The following ZNF827 variants were observed in gnomAD, a reference collection of about 807,000 sequenced individuals.
The protein encoded by ZNF827 is zinc finger protein 827.
ZNF827 carries 13 observed loss-of-function variants against 102.4 expected under a neutral mutation model. The observed-to-expected ratio is 0.13, with a 90% CI of 0.08 to 0.20. The LOEUF is 0.20. Ranked by LOEUF, ZNF827 falls within the 10% of genes least tolerant of loss-of-function variation. The pLI is 1.00. For synonymous variants in ZNF827, 523 were observed against 536.2 expected (o/e 0.98, Z 0.34); for missense variants, 1,103 against 1,344.4 (o/e 0.82, Z 2.81).
chr4:145,837,508 G>A (rs970911634), intron 7 of ZNF827, among the ~76,000 whole-genome samples: 8 of 151,996 alleles, frequency 5.3e-5, no homozygotes, highest in African/African-American at 1.7e-4. Flanking sequence ...ACTATTTTCT[G>A]TCTAGTCATA....
chr4:145,811,952 T>C (rs1742056033), intron 8 of ZNF827, among the ~76,000 whole-genome samples: 1 of 152,156 alleles, frequency 6.6e-6, no homozygotes, highest in East Asian at 1.9e-4. Flanking sequence ...TCTCACTCTG[T>C]CACCCAGGCT....
At chr4:145,870,670 G>A in intron 4 of ZNF827, 192 bp from the exon 5 acceptor site, 1 of 529,846 alleles carries the variant, frequency 1.9e-6, no homozygotes, top group Non-Finnish European at 3.3e-6. Context: ...ACTCTGAGGA[G>A]TGTGGGCTTC....
At chr4:145,877,484 T>A (rs988264376) in intron 4 of ZNF827, among the ~76,000 whole-genome samples, 5 of 152,240 alleles carry the variant, frequency 3.3e-5, no homozygotes, top group Non-Finnish European at 7.3e-5. Context: ...ATTTGCTAAA[T>A]ATTTTAAAAT....
chr4:145,804,537 A>G (rs371860804), intron 8 of ZNF827, among the ~76,000 whole-genome samples: 7 of 152,338 alleles, frequency 4.6e-5, no homozygotes, highest in African/African-American at 7.2e-5. Context: ...AAGAATCTAC[A>G]TTTCCTCAGA....
At chr4:145,795,854 A>G (rs1450577046) in intron 8 of ZNF827, among the ~76,000 whole-genome samples, 1 of 152,240 alleles carries the variant, frequency 6.6e-6, no homozygotes, top group Non-Finnish European at 1.5e-5. Context: ...CTCCTCAGCT[A>G]AGGCTTCTAA....
intron 5 of ZNF827, among the ~76,000 whole-genome samples, chr4:145,868,924 G>T (rs1241451652): frequency 6.6e-6 from 1 of 152,162 alleles, no homozygotes; most frequent in Non-Finnish European, 1.5e-5. Context: ...ACAACAAATA[G>T]ATTACTCTGC....
At chr4:145,867,171 T>C (rs1748286009) in intron 5 of ZNF827, among the ~76,000 whole-genome samples, 1 of 152,226 alleles carries the variant, frequency 6.6e-6, no homozygotes, top group South Asian at 2.1e-4. Context: ...GTGTGTTGCT[T>C]TCTTTATGGC....
At chr4:145,852,706 C>G (rs766010925) in intron 5 of ZNF827, among the ~76,000 whole-genome samples, 1 of 152,156 alleles carries the variant, frequency 6.6e-6, no homozygotes, top group Admixed American at 6.5e-5. Flanking sequence ...TAGCAACATC[C>G]TTGGTCTCTC....
chr4:145,810,116 T>G (rs567444811), intron 8 of ZNF827, among the ~76,000 whole-genome samples: 1 of 152,310 alleles, frequency 6.6e-6, no homozygotes, highest in Admixed American at 6.5e-5. Context: ...AAGCTAACAT[T>G]TCTAGATTTA....
At chr4:145,917,716 AAAAAAAAAAAG>A (rs1165190993) in intron 1 of ZNF827, among the ~76,000 whole-genome samples, 6 of 147,388 alleles carry the variant, frequency 4.1e-5, no homozygotes, top group South Asian at 2.1e-4. Context: ...AAAAAAAAAA[AAAAAAAAAAAG>A]AAAAGAAAAA....
intron 4 of ZNF827, among the ~76,000 whole-genome samples, chr4:145,883,533 G>C (rs550401828): frequency 6.6e-6 from 1 of 152,250 alleles, no homozygotes; most frequent in South Asian, 2.1e-4. Flanking sequence ...TATGCTCCCT[G>C]AGATTGGGTC....
chr4:145,917,700 CAAAAAAAAAA>C lies in ZNF827; in HGVS notation c.44-14495_44-14486del, dbSNP rs763617063. On this transcript the variant is annotated intron_variant, in intron 1 of 14. Coordinates refer to ENST00000508784, the MANE Select transcript of ZNF827 (RefSeq NM_001306215.2). ...AAGGCTCAACTCCAAGGTAGCTGGT[CAAAAAAAAAA>C]AAAAAAAAAAAAAAAAGAAAAGAAA... Among the ~76,000 whole-genome samples the C allele has an allele frequency of 1.9e-4, 9 of 46,854 alleles. 1 individual carries two copies. The highest frequency in any genetic ancestry group is 1.0e-3 in the South Asian group (1 of 1,002). The allele number at this position is 46,854 out of a possible 152,430, so 30.7% of individuals were successfully genotyped here. A position where few individuals can be genotyped will look rare whatever the true frequency, so the allele number is the denominator to read the frequency against.
chr4:145,880,212 C>T lies in ZNF827; in HGVS notation c.1747+5466G>A, dbSNP rs116816419. Among the ~76,000 whole-genome samples the T allele has an allele frequency of 2.6e-3, 391 of 152,236 alleles. 2 individuals carry two copies. The highest frequency in any genetic ancestry group is 7.3e-3 in the African/African-American group (305 of 41,552). On this transcript the variant is annotated intron_variant, in intron 4 of 14. Coordinates refer to ENST00000508784, the MANE Select transcript of ZNF827 (RefSeq NM_001306215.2). ...ATCGCATCACTGACTTCAGCCTGGG[C>T]GACAGAGCCAGACTCCGTCTAAAAA... is the stretch of plus-strand genomic sequence containing the variant.
At chr4:145,775,137 A>AGC (rs1736861634) in intron 10 of ZNF827, among the ~76,000 whole-genome samples, 3 of 152,204 alleles carry the variant, frequency 2.0e-5, no homozygotes, top group Admixed American at 2.0e-4. Flanking sequence ...GTTGTATGGC[A>AGC]CTCCAAGCAA....
chr4:145,824,112 C>A (rs1258345122), intron 7 of ZNF827, among the ~76,000 whole-genome samples: 2 of 152,138 alleles, frequency 1.3e-5, no homozygotes, highest in Non-Finnish European at 2.9e-5. Context: ...CCCCAGGGAG[C>A]TCCCTCATTT....
chr4:145,876,825 C>T (rs1749187278), intron 4 of ZNF827: 1 of 152,110 alleles, frequency 6.6e-6, no homozygotes, highest in African/African-American at 2.4e-5. Flanking sequence ...AACTTTGAAG[C>T]AAAAGCTTAT....
intron 8 of ZNF827, among the ~76,000 whole-genome samples, chr4:145,822,839 G>A (rs1405703941): frequency 1.3e-5 from 2 of 152,146 alleles, no homozygotes; most frequent in Non-Finnish European, 2.9e-5. Flanking sequence ...CCCAGGAAAG[G>A]AGAAATGAAA....
At chr4:145,829,970 C>G (rs1394123740) in intron 7 of ZNF827, among the ~76,000 whole-genome samples, 1 of 152,186 alleles carries the variant, frequency 6.6e-6, no homozygotes, top group African/African-American at 2.4e-5. Flanking sequence ...TTGAAGTGTA[C>G]AGGAAGCAGT....
At chr4:145,932,579 A>T (rs1413180538) in intron 1 of ZNF827, among the ~76,000 whole-genome samples, 9 of 149,968 alleles carry the variant, frequency 6.0e-5, no homozygotes, top group Non-Finnish European at 1.0e-4. Flanking sequence ...GGTTCGCGCC[A>T]TTCTCCTGCC....
Sources: allele counts gnomAD v4.1 joint callset (sites outside exome capture counted in the v4.1 genomes callset), GRCh38; gene constraint gnomAD v4.1.1; transcripts MANE v1.5; gene names NCBI Gene and HGNC (gene_info 2026-07-23, HGNC 2026-07-21).